Variants in PDHX observed in about 807,000 individuals in gnomAD.
PDHX encodes the protein pyruvate dehydrogenase protein X component, mitochondrial.
In PDHX, 33 loss-of-function variants were observed where a neutral mutation model predicts 55.3. The ratio of observed to expected loss-of-function variants is 0.60; its 90% CI spans 0.45 to 0.80. The LOEUF (loss-of-function observed/expected upper bound fraction) is 0.80, where lower values mean the gene tolerates loss of function less well. Among genes scored for constraint, PDHX ranks in the 30% least tolerant of loss-of-function variants. PDHX has a pLI of 0.00. For synonymous variants in PDHX, 226 were observed against 219.4 expected, an observed-to-expected ratio of 1.03 and a Z score of -0.27; for missense variants, 622 against 619.9, an observed-to-expected ratio of 1.00 and a Z score of -0.04.
intron 2 of PDHX, among the ~76,000 whole-genome samples, chr11:34,936,952 C>T (rs891204577): frequency 2.6e-5 from 4 of 151,848 alleles, no homozygotes; most frequent in South Asian, 2.1e-4. Context: ...CCATGCCCAG[C>T]TAATTTTTAT....
intron 8 of PDHX, among the ~76,000 whole-genome samples, chr11:34,983,294 T>A (rs1855560732): frequency 6.6e-6 from 1 of 152,130 alleles, no homozygotes; most frequent in South Asian, 2.1e-4. Context: ...AGACCTATTT[T>A]TGACAAACCC....
intron 1 of PDHX, among the ~76,000 whole-genome samples, chr11:34,923,180 A>G (rs1041174070): frequency 1.8e-4 from 20 of 113,836 alleles, no homozygotes; most frequent in African/African-American, 3.4e-4. Flanking sequence ...AGCAGATTCT[A>G]TGAACAAGAT....
At chr11:34,929,036 C>G (rs1021488053) in intron 1 of PDHX, among the ~76,000 whole-genome samples, 2 of 152,162 alleles carry the variant, frequency 1.3e-5, no homozygotes, top group African/African-American at 4.8e-5. Context: ...ACTGTTTCAG[C>G]TACAGTTATT....
chr11:34,963,004 C>T (rs56352830), intron 5 of PDHX, among the ~76,000 whole-genome samples: 4,195 of 152,194 alleles, frequency 0.028, 205 homozygotes, highest in African/African-American at 0.096. Context: ...TATTCCTTAA[C>T]TCTCCACGAG....
At chr11:34,972,492 G>T (rs1227138987) in intron 7 of PDHX, among the ~76,000 whole-genome samples, 2 of 151,464 alleles carry the variant, frequency 1.3e-5, no homozygotes, top group Admixed American at 6.6e-5. Flanking sequence ...CCGCCTCCTG[G>T]GTTCAAATGA....
At chr11:34,994,816 A>T in intron 10 of PDHX, 98 bp from the exon 11 acceptor site, 3 of 1,345,502 alleles carry the variant, frequency 2.2e-6, no homozygotes, top group Non-Finnish European at 2.1e-6. Context: ...TTCTTGCCTT[A>T]CTACACTGCC....
intron 2 of PDHX, among the ~76,000 whole-genome samples, chr11:34,942,453 CAG>C (rs1854510687): frequency 6.6e-6 from 1 of 152,174 alleles, no homozygotes; most frequent in Non-Finnish European, 1.5e-5. Flanking sequence ...TCCTGAGAGT[CAG>C]AGAGATTAAG....
At chr11:34,966,541 A>G in intron 5 of PDHX, 99 bp from the exon 6 acceptor site, 1 of 1,109,056 alleles carries the variant, frequency 9.0e-7, no homozygotes. Flanking sequence ...ACATCTGTAT[A>G]TTTCTGTATC....
upstream of PDHX, chr11:34,916,066 G>T: frequency 1.1e-6 from 1 of 943,474 alleles, no homozygotes; most frequent in South Asian, 1.7e-5. Flanking sequence ...CCTTGCTTCC[G>T]AACGCCAAGG....
At chr11:34,915,965 C>A, upstream of PDHX, 1 of 573,386 alleles carries the variant, frequency 1.7e-6, no homozygotes, top group Non-Finnish European at 3.1e-6. Flanking sequence ...GCTCTCCTCT[C>A]TCAGTTATTT....
intron 2 of PDHX, among the ~76,000 whole-genome samples, chr11:34,933,538 A>C (rs1247500605): frequency 1.3e-5 from 2 of 152,174 alleles, no homozygotes; most frequent in Non-Finnish European, 2.9e-5. Context: ...AAACAGGTAA[A>C]AGTTTCTAAG....
chr11:34,927,486 T>C (rs938376534), intron 1 of PDHX, among the ~76,000 whole-genome samples: 2 of 152,020 alleles, frequency 1.3e-5, no homozygotes, highest in African/African-American at 4.8e-5. Flanking sequence ...CCAAGGAGTC[T>C]AGAAAAGTCT....
intron 2 of PDHX, among the ~76,000 whole-genome samples, chr11:34,940,727 C>G (rs1459294599): frequency 1.3e-5 from 2 of 152,294 alleles, no homozygotes; most frequent in African/African-American, 4.8e-5. Context: ...TTCCTCCCAT[C>G]TCTATCCCTA....
intron 2 of PDHX, among the ~76,000 whole-genome samples, chr11:34,939,366 C>A (rs1169105230): frequency 6.6e-6 from 1 of 152,008 alleles, no homozygotes; most frequent in African/African-American, 2.4e-5. Flanking sequence ...TAAGCGAAGA[C>A]TAGATAAGTA....
chr11:34,943,048 G>A (rs1241985612), intron 2 of PDHX, among the ~76,000 whole-genome samples: 1 of 111,112 alleles, frequency 9.0e-6, no homozygotes, highest in Non-Finnish European at 2.2e-5. Context: ...GATTCGTGAA[G>A]TTATCATGTT....
chr11:34,921,164 A>G (rs551228068), intron 1 of PDHX, among the ~76,000 whole-genome samples: 1 of 152,354 alleles, frequency 6.6e-6, no homozygotes, highest in Non-Finnish European at 1.5e-5. Context: ...TATTAAAAGG[A>G]TAGAACATCA....
At position 34,995,789 on chromosome 11, in the gene PDHX, C is replaced by T. The variant is rs945840442; in HGVS notation, c.*617C>T. 1 of 152,796 alleles carries T rather than the reference C, an allele frequency of 6.5e-6. No homozygotes were observed. Among genetic ancestry groups the T allele is most frequent in the Admixed American group, 6.5e-5 (1 of 15,300 alleles). The allele number at this position is 152,796 out of a possible 1,614,324, so 9.5% of individuals were successfully genotyped here. On this transcript the variant is annotated 3_prime_UTR_variant, in exon 11 of 11. Transcript: ENST00000227868. ...TGGTTTCTATCTGTCTTGTTTTTCACTTATATAACACTGTGAACTTCTAAA... is the reference window on the plus strand; with the variant it reads ...TGGTTTCTATCTGTCTTGTTTTTCATTTATATAACACTGTGAACTTCTAAA...
chr11:34,984,837 G>T, intron 9 of PDHX, 109 bp downstream of exon 9: 1 of 1,029,980 alleles, frequency 9.7e-7, no homozygotes, highest in Non-Finnish European at 1.5e-6. Context: ...TTTTGTGTGT[G>T]TGAAGGGGAG....
intron 3 of PDHX, among the ~76,000 whole-genome samples, chr11:34,956,005 C>T (rs1230730653): frequency 3.9e-5 from 6 of 151,988 alleles, no homozygotes; most frequent in Admixed American, 2.0e-4. Context: ...GGTAATTAAA[C>T]ACTTTTAGAA....
Sources: allele counts gnomAD v4.1 joint callset (sites outside exome capture counted in the v4.1 genomes callset), GRCh38; gene constraint gnomAD v4.1.1; transcripts MANE v1.5; gene names NCBI Gene and HGNC (gene_info 2026-07-23, HGNC 2026-07-21).